The following PMFBP1 variants were observed in gnomAD, a reference collection of about 807,000 sequenced individuals.
The protein encoded by PMFBP1 is polyamine modulated factor 1 binding protein 1.
In PMFBP1, 131 loss-of-function variants were observed where a neutral mutation model predicts 137.8. That is an observed-to-expected ratio of 0.95 (90% CI 0.82 to 1.10). The LOEUF is 1.10. Among genes scored for constraint, PMFBP1 ranks in the 50% least tolerant of loss-of-function variants. The probability of loss-of-function intolerance (pLI) is 0.00; values close to 1 mark genes in which losing one functional copy is unlikely to be tolerated. For synonymous variants in PMFBP1, 490 were observed against 450.4 expected, an observed-to-expected ratio of 1.09 and a Z score of -1.11; for missense variants, 1,199 against 1,175.4, an observed-to-expected ratio of 1.02 and a Z score of -0.29.
At chr16:72,245,578 A>T in the PMFBP1 span, among the ~76,000 whole-genome samples, 1 of 152,168 alleles carries the variant, frequency 6.6e-6, no homozygotes, top group Admixed American at 6.5e-5. Flanking sequence ...GACCCTACAG[A>T]GACATGTTTT....
chr16:72,138,107 T>G (rs150688504), intron 7 of PMFBP1, among the ~76,000 whole-genome samples: 3 of 152,240 alleles, frequency 2.0e-5, no homozygotes, highest in Non-Finnish European at 2.9e-5. Context: ...ACTAAAAAAA[T>G]GGAGTCTTAT....
chr16:72,206,714 G>A, the PMFBP1 span, among the ~76,000 whole-genome samples: 1 of 152,044 alleles, frequency 6.6e-6, no homozygotes, highest in African/African-American at 2.4e-5. Flanking sequence ...GTTAATCATC[G>A]CTTCCCGGCG....
chr16:72,137,027 G>C (rs1180472265), intron 7 of PMFBP1, among the ~76,000 whole-genome samples: 1 of 152,168 alleles, frequency 6.6e-6, no homozygotes, highest in Non-Finnish European at 1.5e-5. Flanking sequence ...ATTAGGTAGT[G>C]GTGATGATTG....
upstream of PMFBP1, chr16:72,174,083 T>C (rs1367332266): frequency 6.6e-6 from 1 of 152,200 alleles, no homozygotes; most frequent in Admixed American, 6.5e-5. Flanking sequence ...AAAGAAATGA[T>C]TGTAGTGAAA....
chr16:72,126,179 T>G, intron 14 of PMFBP1, 47 bp from the exon 15 acceptor site: 1 of 1,593,766 alleles, frequency 6.3e-7, no homozygotes. Context: ...GTCAGGGTCA[T>G]AGAGGCATTC....
intron 7 of PMFBP1, among the ~76,000 whole-genome samples, chr16:72,138,366 G>C (rs1324942835): frequency 6.6e-6 from 1 of 152,138 alleles, no homozygotes; most frequent in Non-Finnish European, 1.5e-5. Flanking sequence ...TCAGTCTTGG[G>C]GCGTGCAGGC....
chr16:72,151,787 C>T (rs1437907134), intron 4 of PMFBP1, among the ~76,000 whole-genome samples: 2 of 152,058 alleles, frequency 1.3e-5, no homozygotes, highest in African/African-American at 4.8e-5. Flanking sequence ...AGCCCATATC[C>T]CCTGGGCACT....
At chr16:72,248,245 A>G in the PMFBP1 span, among the ~76,000 whole-genome samples, 1 of 152,250 alleles carries the variant, frequency 6.6e-6, no homozygotes, top group Non-Finnish European at 1.5e-5. Context: ...TGGCGCTGAC[A>G]GGATTTCTAC....
At chr16:72,187,565 A>G in the PMFBP1 span, among the ~76,000 whole-genome samples, 11,553 of 152,232 alleles carry the variant, frequency 0.076, 509 homozygotes, top group Middle Eastern at 0.1. Context: ...ACCCGTTTAT[A>G]TTGCAAAGCC....
chr16:72,148,910 T>C (rs1177316303), intron 5 of PMFBP1, among the ~76,000 whole-genome samples: 3 of 152,190 alleles, frequency 2.0e-5, no homozygotes, highest in Non-Finnish European at 4.4e-5. Flanking sequence ...GGGGCCCACA[T>C]CCCAGAACTG....
upstream of PMFBP1, among the ~76,000 whole-genome samples, chr16:72,175,436 G>A (rs1311166162): frequency 3.3e-5 from 5 of 152,174 alleles, no homozygotes; most frequent in African/African-American, 9.7e-5. Context: ...TTACACAAAT[G>A]CCGTAATCAC....
intron 5 of PMFBP1, among the ~76,000 whole-genome samples, chr16:72,145,569 C>T (rs1294740861): frequency 6.6e-6 from 1 of 151,968 alleles, no homozygotes; most frequent in African/African-American, 2.4e-5. Context: ...AAAAAACCTT[C>T]AAAAAATCAA....
chr16:72,132,073 G>C (rs569545823), intron 10 of PMFBP1, among the ~76,000 whole-genome samples: 2 of 152,232 alleles, frequency 1.3e-5, no homozygotes, highest in East Asian at 3.9e-4. Flanking sequence ...TTGAACTCCT[G>C]GGCTCAAGTG....
chr16:72,214,025 C>G, the PMFBP1 span, among the ~76,000 whole-genome samples: 1 of 152,052 alleles, frequency 6.6e-6, no homozygotes, highest in Admixed American at 6.6e-5. Flanking sequence ...TATGCAGTCA[C>G]TGAATAATTT....
At chr16:72,202,075 G>A in the PMFBP1 span, among the ~76,000 whole-genome samples, 1 of 152,300 alleles carries the variant, frequency 6.6e-6, no homozygotes, top group South Asian at 2.1e-4. Flanking sequence ...ACCATGACTA[G>A]CATGGTTCAT....
At chr16:72,161,682 A>G (rs894829209) in intron 3 of PMFBP1, among the ~76,000 whole-genome samples, 3 of 152,190 alleles carry the variant, frequency 2.0e-5, no homozygotes, top group African/African-American at 7.2e-5. Flanking sequence ...AACTGGGTAC[A>G]TTTGTCTAAA....
the PMFBP1 span, among the ~76,000 whole-genome samples, chr16:72,249,179 G>C: frequency 2.0e-5 from 3 of 152,028 alleles, no homozygotes; most frequent in Non-Finnish European, 4.4e-5. Flanking sequence ...TAAAGTCTGG[G>C]CTTGAAAGTA....
At chr16:72,148,695 T>TA (rs1433445287) in intron 5 of PMFBP1, among the ~76,000 whole-genome samples, 1 of 152,004 alleles carries the variant, frequency 6.6e-6, no homozygotes, top group South Asian at 2.1e-4. Context: ...AAAAACCCAG[T>TA]AAAAAATGAG....
chr16:72,132,022 G>A (rs748268130), intron 10 of PMFBP1, among the ~76,000 whole-genome samples: 10 of 152,010 alleles, frequency 6.6e-5, no homozygotes, highest in Non-Finnish European at 1.3e-4. Context: ...ATTTTTGTAT[G>A]TTTTGTAGAG....
Sources: gnomAD v4.1 joint callset for allele counts (sites outside exome capture counted in the v4.1 genomes callset) on GRCh38, gnomAD v4.1.1 for gene constraint, MANE v1.5 for transcripts, NCBI Gene and HGNC (gene_info 2026-07-23, HGNC 2026-07-21) for gene names.